ADAMTSL1: variants seen among roughly 807,000 people sequenced by gnomAD.
ADAMTSL1 encodes the protein ADAMTS like 1.
In ADAMTSL1, 126 loss-of-function variants were observed where a neutral mutation model predicts 201.8. The ratio of observed to expected loss-of-function variants is 0.62; its 90% CI spans 0.54 to 0.72. The LOEUF is 0.72. ADAMTSL1 is among the 30% of genes least tolerant of loss of function. ADAMTSL1 has a pLI of 0.00. For synonymous variants in ADAMTSL1, 1,121 were observed against 903.4 expected (o/e 1.24, Z -4.32); for missense variants, 2,679 against 2,277.8 (o/e 1.18, Z -3.59).
At chr9:18,335,475 GC>G (rs1388278060) in intron 2 of ADAMTSL1, among the ~76,000 whole-genome samples, 1 of 152,008 alleles carries the variant, frequency 6.6e-6, no homozygotes, top group Non-Finnish European at 1.5e-5. Flanking sequence ...TCATAATGGG[GC>G]TGCCACAGGT....
intron 2 of ADAMTSL1, among the ~76,000 whole-genome samples, chr9:18,263,888 A>G (rs191188597): frequency 1.5e-4 from 23 of 152,314 alleles, no homozygotes; most frequent in Admixed American, 1.1e-3. Flanking sequence ...CTCCTTGATC[A>G]TGGACTTTTA....
At chr9:18,233,713 G>A (rs1830733283) in intron 2 of ADAMTSL1, among the ~76,000 whole-genome samples, 1 of 152,162 alleles carries the variant, frequency 6.6e-6, no homozygotes, top group African/African-American at 2.4e-5. Context: ...ATCCCTAAAG[G>A]CTGAGAAGAA....
intron 2 of ADAMTSL1, among the ~76,000 whole-genome samples, chr9:18,335,110 A>T (rs1354538332): frequency 6.6e-6 from 1 of 152,168 alleles, no homozygotes; most frequent in Admixed American, 6.6e-5. Context: ...TGACAAAGAT[A>T]ATCAAAGTGG....
chr9:18,721,391 C>G, intron 14 of ADAMTSL1, 145 bp from the exon 15 acceptor site: 1 of 1,156,656 alleles, frequency 8.6e-7, no homozygotes, highest in Admixed American at 2.3e-5. Context: ...ATTGGCAGTC[C>G]TGGGCTTTAA....
chr9:17,982,746 A>G (rs930110718), intron 1 of ADAMTSL1, among the ~76,000 whole-genome samples: 4 of 152,156 alleles, frequency 2.6e-5, no homozygotes, highest in African/African-American at 9.7e-5. Flanking sequence ...AGAATAAAAT[A>G]TTAAAGGGAA....
intron 5 of ADAMTSL1, among the ~76,000 whole-genome samples, chr9:18,626,315 G>C (rs1432470986): frequency 6.6e-6 from 1 of 152,126 alleles, no homozygotes; most frequent in Admixed American, 6.6e-5. Flanking sequence ...GGTGATGCAG[G>C]GGAGCTGCAA....
At chr9:18,307,280 G>A (rs889969980) in intron 2 of ADAMTSL1, among the ~76,000 whole-genome samples, 2 of 152,128 alleles carry the variant, frequency 1.3e-5, no homozygotes, top group Non-Finnish European at 2.9e-5. Flanking sequence ...TGAAGAAACT[G>A]CATCAACTAA....
chr9:18,896,329 A>G (rs907217191), intron 26 of ADAMTSL1, among the ~76,000 whole-genome samples: 11 of 152,188 alleles, frequency 7.2e-5, no homozygotes, highest in Non-Finnish European at 1.5e-4. Context: ...AAAGCAACTC[A>G]TTGTGTACAA....
At chr9:18,612,002 A>G (rs1351928451) in intron 4 of ADAMTSL1, among the ~76,000 whole-genome samples, 2 of 152,166 alleles carry the variant, frequency 1.3e-5, no homozygotes, top group African/African-American at 4.8e-5. Context: ...GCTGAAGTCT[A>G]TTAGGAAGAG....
At chr9:18,173,081 G>A (rs1554631645) in intron 2 of ADAMTSL1, among the ~76,000 whole-genome samples, 2 of 152,134 alleles carry the variant, frequency 1.3e-5, no homozygotes, top group East Asian at 1.9e-4. Flanking sequence ...AATATAAAAT[G>A]TTTCTATTTG....
intron 21 of ADAMTSL1, among the ~76,000 whole-genome samples, chr9:18,825,561 A>G (rs139628029): frequency 2.6e-5 from 4 of 152,310 alleles, no homozygotes; most frequent in African/African-American, 9.6e-5. Context: ...ATATATTTTA[A>G]CGTTGTATAG....
rs543148065 is a variant in ADAMTSL1, at chr9:18,504,947, T to C, written c.182T>C (p.Leu61Pro). The change falls in exon 2 of 29, where the codon CTG becomes CCG. Residue 61 changes from leucine (L) to proline (P), a missense_variant. Coordinates refer to ENST00000380548, the MANE Select transcript of ADAMTSL1 (RefSeq NM_001040272.6). ...GCCTCCTACTCTCTGAGGCGCTGCC[T>C]GAGCAGCAAGTAAGTCCTGCACCCG... The part of the protein sequence containing the change: ...GGASYSLRRC[L>P]SSKSCEGRNI... The C allele has an allele frequency of 6.2e-7, 1 of 1,608,484 alleles. No homozygotes were observed. Among genetic ancestry groups the C allele is most frequent in the East Asian group, 2.2e-5 (1 of 44,766 alleles).
intron 1 of ADAMTSL1, among the ~76,000 whole-genome samples, chr9:17,913,371 T>C (rs923156018): frequency 1.1e-4 from 17 of 152,322 alleles, no homozygotes; most frequent in Non-Finnish European, 2.4e-4. Flanking sequence ...TTTTATTTCA[T>C]TGAACAGTGG....
chr9:18,012,016 G>A (rs1178698361), intron 1 of ADAMTSL1, among the ~76,000 whole-genome samples: 1 of 152,056 alleles, frequency 6.6e-6, no homozygotes, highest in Non-Finnish European at 1.5e-5. Context: ...TGCTCATGGG[G>A]ATATTTGGCC....
intron 2 of ADAMTSL1, among the ~76,000 whole-genome samples, chr9:18,509,190 C>CATAAAAAA (rs1817867591): frequency 4.9e-5 from 1 of 20,452 alleles, no homozygotes; most frequent in Non-Finnish European, 7.3e-5. Context: ...GACTCCGTCT[C>CATAAAAAA]AAAAAAAAAA....
intron 4 of ADAMTSL1, among the ~76,000 whole-genome samples, chr9:18,620,708 C>T (rs1327632548): frequency 6.6e-6 from 1 of 152,160 alleles, no homozygotes; most frequent in Admixed American, 6.5e-5. Context: ...AGGCAAACTG[C>T]TCCTCAGCTA....
chr9:18,887,989 C>T lies in ADAMTSL1; in HGVS notation c.4408C>T (p.Leu1470Phe), dbSNP rs1191014769. 1 of 1,613,812 alleles carries T rather than the reference C, an allele frequency of 6.2e-7. No individual in the cohort carries two copies. The highest frequency in any genetic ancestry group is 1.3e-5 in the African/African-American group (1 of 74,916). ...SGGSQGEFSC[L>F]AQNEAGVLMQ... ...TGGGTCTCAAGGGGAATTCAGCTGCCTTGCTCAGAATGAGGCAGGGGTGCT... is the reference window on the plus strand; with the variant it reads ...TGGGTCTCAAGGGGAATTCAGCTGCTTTGCTCAGAATGAGGCAGGGGTGCT... Residue 1470 changes from leucine (L) to phenylalanine (F), a missense_variant, in exon 24 of 29, where the codon CTT becomes TTT. Transcript: ENST00000380548.
intron 1 of ADAMTSL1, among the ~76,000 whole-genome samples, chr9:17,950,289 A>C (rs987953110): frequency 2.0e-5 from 3 of 152,094 alleles, no homozygotes; most frequent in Non-Finnish European, 4.4e-5. Flanking sequence ...TTTACAGTGC[A>C]ATAGTACTAG....
chr9:18,457,186 A>G (rs2131694333), intron 2 of ADAMTSL1, among the ~76,000 whole-genome samples: 1 of 152,280 alleles, frequency 6.6e-6, no homozygotes, highest in South Asian at 2.1e-4. Flanking sequence ...TACTGAGCTA[A>G]TGTTGAGATA....
Sources: allele counts gnomAD v4.1 joint callset (sites outside exome capture counted in the v4.1 genomes callset), GRCh38; gene constraint gnomAD v4.1.1; transcripts MANE v1.5; gene names NCBI Gene and HGNC (gene_info 2026-07-23, HGNC 2026-07-21).